SCHIP1: variants seen among roughly 807,000 people sequenced by gnomAD.
SCHIP1 encodes schwannomin interacting protein 1.
Under a neutral mutation model 29.7 loss-of-function variants are expected in SCHIP1, and 8 were observed. That is an observed-to-expected ratio of 0.27 (90% confidence interval 0.16 to 0.49). The LOEUF (loss-of-function observed/expected upper bound fraction) is 0.49. Among genes scored for constraint, SCHIP1 ranks in the 20% least tolerant of loss-of-function variants. SCHIP1 has a pLI of 0.99. For missense variants in SCHIP1, 193 were observed against 294.6 expected (o/e 0.66, Z 2.52); for synonymous variants, 76 against 94.9 (o/e 0.80, Z 1.16).
chr3:159,640,539 G>A, the SCHIP1 span, among the ~76,000 whole-genome samples: 50 of 152,170 alleles, frequency 3.3e-4, no homozygotes, highest in African/African-American at 9.2e-4. Flanking sequence ...GTGTGTATAC[G>A]TGTACACACA....
At chr3:159,674,624 G>C in the SCHIP1 span, among the ~76,000 whole-genome samples, 1 of 104,486 alleles carries the variant, frequency 9.6e-6, no homozygotes, top group Non-Finnish European at 2.0e-5. Flanking sequence ...AAAAAAAAAA[G>C]CTGGGAAAAG....
At chr3:159,582,250 A>G in the SCHIP1 span, among the ~76,000 whole-genome samples, 1 of 152,208 alleles carries the variant, frequency 6.6e-6, no homozygotes, top group Admixed American at 6.5e-5. Context: ...AGCTCACTAC[A>G]GCCTCAGTCT....
chr3:159,409,635 T>C, the SCHIP1 span, among the ~76,000 whole-genome samples: 1 of 152,084 alleles, frequency 6.6e-6, no homozygotes, highest in African/African-American at 2.4e-5. Flanking sequence ...AAATGGAAGA[T>C]GACACAGAAA....
the SCHIP1 span, among the ~76,000 whole-genome samples, chr3:159,434,452 T>C: frequency 6.6e-6 from 1 of 152,044 alleles, no homozygotes; most frequent in African/African-American, 2.4e-5. Context: ...TGGTGTTAGA[T>C]GGTTCTGAAG....
the SCHIP1 span, among the ~76,000 whole-genome samples, chr3:159,358,524 AG>A: frequency 6.6e-6 from 1 of 152,192 alleles, no homozygotes; most frequent in Non-Finnish European, 1.5e-5. Context: ...TCTGCACAGC[AG>A]GTGCTGCAGG....
At chr3:159,450,698 C>T in the SCHIP1 span, among the ~76,000 whole-genome samples, 1 of 152,098 alleles carries the variant, frequency 6.6e-6, no homozygotes, top group Admixed American at 6.6e-5. Flanking sequence ...CTCTTCAATT[C>T]CATAGCCTCC....
the SCHIP1 span, among the ~76,000 whole-genome samples, chr3:159,518,545 T>C: frequency 1.3e-5 from 2 of 152,170 alleles, no homozygotes; most frequent in Non-Finnish European, 1.5e-5. Flanking sequence ...AGATGCTCTA[T>C]TAATTTTAGA....
At chr3:159,398,146 C>T in the SCHIP1 span, among the ~76,000 whole-genome samples, 41 of 152,294 alleles carry the variant, frequency 2.7e-4, no homozygotes, top group East Asian at 4.6e-3. Flanking sequence ...TGACCCTTTG[C>T]GCTTCCCGAG....
the SCHIP1 span, among the ~76,000 whole-genome samples, chr3:159,753,013 G>A: frequency 6.1e-4 from 93 of 152,224 alleles, no homozygotes; most frequent in African/African-American, 2.2e-3. Flanking sequence ...CCTCATTTCT[G>A]TGTCCCTAGG....
chr3:159,505,773 C>A, the SCHIP1 span, among the ~76,000 whole-genome samples: 1 of 152,176 alleles, frequency 6.6e-6, no homozygotes, highest in Admixed American at 6.5e-5. Context: ...TTTCCAGCTT[C>A]ATCCATGTCC....
At chr3:159,393,661 C>G in the SCHIP1 span, among the ~76,000 whole-genome samples, 3 of 149,912 alleles carry the variant, frequency 2.0e-5, no homozygotes, top group African/African-American at 7.3e-5. Context: ...CTGTTCTGTT[C>G]CATTGATCTA....
At chr3:159,301,443 G>A in the SCHIP1 span, among the ~76,000 whole-genome samples, 1 of 152,090 alleles carries the variant, frequency 6.6e-6, no homozygotes, top group Non-Finnish European at 1.5e-5. Flanking sequence ...AAACACTTGA[G>A]GAGTGAAACT....
chr3:159,839,837 G>C (rs1385464789), upstream of SCHIP1: 2 of 1,258,242 alleles, frequency 1.6e-6, no homozygotes, highest in Non-Finnish European at 2.0e-6. Context: ...GCACCAGAAG[G>C]TCACACCAGC....
At chr3:159,393,389 A>G in the SCHIP1 span, among the ~76,000 whole-genome samples, 3 of 151,908 alleles carry the variant, frequency 2.0e-5, no homozygotes, top group Non-Finnish European at 4.4e-5. Context: ...GTCCTTGCCC[A>G]TGCCTATGTC....
the SCHIP1 span, among the ~76,000 whole-genome samples, chr3:159,492,614 A>T: frequency 5.9e-5 from 9 of 152,194 alleles, no homozygotes; most frequent in Admixed American, 5.2e-4. Context: ...AAAGACCAAA[A>T]CTACGTCTAA....
intron 2 of SCHIP1, among the ~76,000 whole-genome samples, 189 bp downstream of exon 3, chr3:159,866,470 G>GTTA (rs1048784889): frequency 6.6e-6 from 1 of 151,688 alleles, no homozygotes; most frequent in Non-Finnish European, 1.5e-5. Flanking sequence ...TGTTGTTGTT[G>GTTA]TTATTATTGG....
the SCHIP1 span, among the ~76,000 whole-genome samples, chr3:159,708,614 C>A: frequency 6.6e-6 from 1 of 152,130 alleles, no homozygotes; most frequent in African/African-American, 2.4e-5. Flanking sequence ...ACCAATGGTC[C>A]ACTCAAAGAA....
At chr3:159,814,456 C>T in the SCHIP1 span, among the ~76,000 whole-genome samples, 1 of 152,182 alleles carries the variant, frequency 6.6e-6, no homozygotes. Context: ...AGGAAATGCC[C>T]TAAAGGCCAG....
the SCHIP1 span, among the ~76,000 whole-genome samples, chr3:159,661,645 G>A: frequency 6.6e-6 from 1 of 152,156 alleles, no homozygotes; most frequent in African/African-American, 2.4e-5. Flanking sequence ...TTTATCTTAG[G>A]TATGTATGGG....
Sources: gnomAD v4.1 joint callset for allele counts (sites outside exome capture counted in the v4.1 genomes callset) on GRCh38, gnomAD v4.1.1 for gene constraint, MANE v1.5 for transcripts, NCBI Gene and HGNC (gene_info 2026-07-23, HGNC 2026-07-21) for gene names.